The following ZPBP variants were observed in gnomAD, a reference collection of about 807,000 sequenced individuals.
The protein encoded by ZPBP is zona pellucida binding protein.
In ZPBP, 26 loss-of-function variants were observed where a neutral mutation model predicts 44.8. That is an observed-to-expected ratio of 0.58 (90% CI 0.43 to 0.81). The LOEUF (loss-of-function observed/expected upper bound fraction) is 0.81. Among genes scored for constraint, ZPBP ranks in the 30% least tolerant of loss-of-function variants. The pLI is 0.00. For missense variants in ZPBP, 409 were observed against 434.0 expected (o/e 0.94, Z 0.51); for synonymous variants, 174 against 153.2 (o/e 1.14, Z -1.00).
chr7:49,843,767 A>T, the ZPBP span, among the ~76,000 whole-genome samples: 1 of 152,230 alleles, frequency 6.6e-6, no homozygotes, highest in Non-Finnish European at 1.5e-5. Flanking sequence ...TGTTGCCCCC[A>T]GCGCTACAGG....
chr7:49,865,212 C>T (rs903914849), intron 2 of ZPBP, among the ~76,000 whole-genome samples: 4 of 152,006 alleles, frequency 2.6e-5, no homozygotes, highest in East Asian at 1.9e-4. Flanking sequence ...TTGTGTGGTC[C>T]GTGGGGTAGG....
At chr7:50,035,090 T>C (rs1799771803) in intron 4 of ZPBP, among the ~76,000 whole-genome samples, 1 of 152,188 alleles carries the variant, frequency 6.6e-6, no homozygotes, top group African/African-American at 2.4e-5. Context: ...GGGAACAGAT[T>C]TTACTATCAT....
intron 4 of ZPBP, among the ~76,000 whole-genome samples, chr7:50,034,619 G>C (rs1437228370): frequency 6.6e-6 from 1 of 151,618 alleles, no homozygotes; most frequent in African/African-American, 2.4e-5. Context: ...CTAAATACCA[G>C]TGTGCCTATA....
At chr7:49,945,339 T>C (rs1296486499) in intron 7 of ZPBP, among the ~76,000 whole-genome samples, 3 of 152,178 alleles carry the variant, frequency 2.0e-5, no homozygotes, top group African/African-American at 4.8e-5. Flanking sequence ...TGAAATGTTC[T>C]GTGAATATGG....
At chr7:49,939,621 T>G (rs964364236) in intron 7 of ZPBP, among the ~76,000 whole-genome samples, 12 of 152,080 alleles carry the variant, frequency 7.9e-5, no homozygotes, top group East Asian at 1.9e-4. Flanking sequence ...TAGGAAATAA[T>G]TTCTTAAAAA....
chr7:50,020,966 G>A (rs1045289483), intron 5 of ZPBP, among the ~76,000 whole-genome samples: 3 of 152,066 alleles, frequency 2.0e-5, no homozygotes, highest in Non-Finnish European at 4.4e-5. Flanking sequence ...ACAGACCTCA[G>A]AGGACATGAC....
Position 49,999,156 on chromosome 7 carries a change from T to TAC in ZPBP, c.784-15639_784-15638dup, listed in dbSNP as rs558634178. ...GGATACTCAACCTGCCGCATATACA[T>TAC]ACATACACAGACACACATTTATATA... On this transcript the variant is annotated intron_variant, in intron 6 of 7. Transcript: ENST00000046087. Among the ~76,000 whole-genome samples the TAC allele has an allele frequency of 2.0e-3, 302 of 151,828 alleles. 1 individual carries two copies. The highest frequency in any genetic ancestry group is 7.0e-3 in the African/African-American group (291 of 41,388).
At chr7:49,882,020 A>C (rs1791685522) in intron 2 of ZPBP, among the ~76,000 whole-genome samples, 1 of 152,122 alleles carries the variant, frequency 6.6e-6, no homozygotes, top group African/African-American at 2.4e-5. Context: ...CTTTTAGAGA[A>C]GCACCCAAGC....
chr7:50,014,322 C>T (rs975416738), intron 6 of ZPBP, among the ~76,000 whole-genome samples: 3 of 151,756 alleles, frequency 2.0e-5, no homozygotes, highest in African/African-American at 7.3e-5. Flanking sequence ...GACAAAAAAT[C>T]GAAGTTAAAA....
At chr7:50,047,586 C>T (rs1800441797) in intron 4 of ZPBP, among the ~76,000 whole-genome samples, 1 of 149,436 alleles carries the variant, frequency 6.7e-6, no homozygotes, top group Non-Finnish European at 1.5e-5. Flanking sequence ...AGATAGGAGA[C>T]TAAAACTAGA....
chr7:49,898,113 ATG>A (rs773381433), intron 2 of ZPBP, among the ~76,000 whole-genome samples: 14 of 151,262 alleles, frequency 9.3e-5, no homozygotes, highest in East Asian at 3.9e-4. Context: ...CTTTACATAT[ATG>A]TGTGTGTGTG....
intron 2 of ZPBP, among the ~76,000 whole-genome samples, chr7:49,857,009 C>CAAAA (rs59910243): frequency 2.0e-3 from 106 of 52,788 alleles, no homozygotes; most frequent in Non-Finnish European, 2.4e-3. Flanking sequence ...GATACTGTCT[C>CAAAA]AAAAAAAAAA....
chr7:49,949,383 C>T (rs1489696207), intron 7 of ZPBP, among the ~76,000 whole-genome samples: 1 of 152,062 alleles, frequency 6.6e-6, no homozygotes, highest in Non-Finnish European at 1.5e-5. Flanking sequence ...GGATGTAGCC[C>T]AATGCCCATC....
chr7:49,885,159 CA>C (rs1791843203), intron 2 of ZPBP, among the ~76,000 whole-genome samples: 1 of 151,998 alleles, frequency 6.6e-6, no homozygotes, highest in Non-Finnish European at 1.5e-5. Context: ...TAGAATCCTT[CA>C]AAAAGCACAT....
intron 6 of ZPBP, 72 bp downstream of exon 6, chr7:50,018,168 A>T: frequency 9.2e-7 from 1 of 1,091,614 alleles, no homozygotes; most frequent in East Asian, 2.4e-5. Flanking sequence ...ATAAATAGCT[A>T]GGATGCTTAC....
intron 1 of ZPBP, among the ~76,000 whole-genome samples, chr7:49,903,761 G>A (rs1792915295): frequency 6.6e-6 from 1 of 152,172 alleles, no homozygotes; most frequent in African/African-American, 2.4e-5. Flanking sequence ...CTTGCTCCAG[G>A]AAAATTTAGG....
chr7:49,861,056 C>T (rs1183716916), intron 2 of ZPBP, among the ~76,000 whole-genome samples: 1 of 152,238 alleles, frequency 6.6e-6, no homozygotes, highest in Non-Finnish European at 1.5e-5. Context: ...GTTTTTAAGA[C>T]TCACCGCCCT....
intron 4 of ZPBP, among the ~76,000 whole-genome samples, chr7:50,036,718 C>A (rs1799845845): frequency 6.6e-6 from 1 of 151,772 alleles, no homozygotes; most frequent in Non-Finnish European, 1.5e-5. Flanking sequence ...TTGTGGGATG[C>A]AATTATAGTA....
At chr7:49,925,282 C>T (rs1195473911) in intron 1 of ZPBP, among the ~76,000 whole-genome samples, 1 of 152,114 alleles carries the variant, frequency 6.6e-6, no homozygotes, top group Non-Finnish European at 1.5e-5. Context: ...CGTATACATC[C>T]CTGTAAAGAT....
Sources: allele counts gnomAD v4.1 joint callset (sites outside exome capture counted in the v4.1 genomes callset), GRCh38; gene constraint gnomAD v4.1.1; transcripts MANE v1.5; gene names NCBI Gene and HGNC (gene_info 2026-07-23, HGNC 2026-07-21).